Variants in DIS3L2 observed in about 807,000 individuals in gnomAD.
DIS3L2 encodes the protein DIS3-like exonuclease 2.
In DIS3L2, 34 loss-of-function variants were observed where a neutral mutation model predicts 97.5. The ratio of observed to expected loss-of-function variants is 0.35; its 90% CI spans 0.27 to 0.46. The LOEUF (loss-of-function observed/expected upper bound fraction) is 0.46. Ranked by LOEUF, DIS3L2 falls within the 20% of genes least tolerant of loss-of-function variation. The pLI, the probability that DIS3L2 is intolerant of heterozygous loss-of-function variation, is 1.00. For missense variants in DIS3L2, 1,038 were observed against 1,146.0 expected (o/e 0.91, Z 1.36); for synonymous variants, 435 against 445.2 (o/e 0.98, Z 0.29).
intron 1 of DIS3L2, among the ~76,000 whole-genome samples, chr2:231,999,053 A>G (rs551140454): frequency 1.3e-5 from 2 of 152,306 alleles, no homozygotes; most frequent in African/African-American, 4.8e-5. Context: ...CAGATAGTAA[A>G]TATTTTCGAT....
At chr2:231,981,086 G>C (rs1693241854) in intron 1 of DIS3L2, among the ~76,000 whole-genome samples, 1 of 152,058 alleles carries the variant, frequency 6.6e-6, no homozygotes, top group Admixed American at 6.5e-5. Context: ...TGGGATTACA[G>C]GCATGCACCA....
chr2:232,329,785 T>TCCCGGGGGGGGGCCCCCCC, intron 14 of DIS3L2, 28 bp from the exon 15 acceptor site: 11 of 967,128 alleles, frequency 1.1e-5, no homozygotes, highest in East Asian at 3.1e-5. Flanking sequence ...ACCCCAGCGG[T>TCCCGGGGGGGGGCCCCCCC]CCCTCCCATC....
At chr2:232,265,877 A>G (rs541670845) in intron 13 of DIS3L2, among the ~76,000 whole-genome samples, 3 of 152,356 alleles carry the variant, frequency 2.0e-5, no homozygotes, top group South Asian at 4.1e-4. Flanking sequence ...AAGACTATGT[A>G]GAATTCCGGT....
rs73095619 is a variant in DIS3L2 at position 232,111,945 on chromosome 2, A to G, written c.602-18674A>G. ...TAAGGCCATTAGTGAACCTTGGATC[A>G]ACTGACTCTGAAGCCTTGCCTACCT... On this transcript the variant is annotated intron_variant, in intron 6 of 20. Transcript: ENST00000325385. Among the ~76,000 whole-genome samples, 375 of 152,354 alleles carry G rather than the reference A, an allele frequency of 2.5e-3. 5 individuals are homozygous for G. Among genetic ancestry groups the G allele is most frequent in the African/African-American group, 8.7e-3 (362 of 41,596 alleles).
At position 232,335,758 on chromosome 2, in the gene DIS3L2, G is replaced by C. The variant is rs1695922869; in HGVS notation, c.2395-15G>C. The C allele has an allele frequency of 6.5e-7, 1 of 1,550,008 alleles. No individual in the cohort carries two copies. Among genetic ancestry groups the C allele is most frequent in the African/African-American group, 1.4e-5 (1 of 73,150 alleles). The stretch of plus-strand genomic sequence containing the variant: ...ATCCAGAGCTGAGGCCTGAGGCTTG[G>C]TGTTTGCACTCCAGGCACTGGCCCT... On this transcript the variant is annotated splice_polypyrimidine_tract_variant and intron_variant, in intron 19 of 20. Coordinates refer to ENST00000325385, the MANE Select transcript of DIS3L2 (RefSeq NM_152383.5).
chr2:232,099,143 A>C (rs1360997522), intron 6 of DIS3L2, among the ~76,000 whole-genome samples: 1 of 151,904 alleles, frequency 6.6e-6, no homozygotes, highest in African/African-American at 2.4e-5. Flanking sequence ...TATAAATTCT[A>C]CTTAATCCTG....
intron 12 of DIS3L2, among the ~76,000 whole-genome samples, chr2:232,261,216 C>A (rs961948001): frequency 2.0e-5 from 3 of 152,148 alleles, no homozygotes; most frequent in African/African-American, 7.2e-5. Flanking sequence ...TTCCTTCCTT[C>A]CTTCCTCCCC....
chr2:232,184,995 G>A (rs534858043), intron 9 of DIS3L2, among the ~76,000 whole-genome samples: 1 of 152,200 alleles, frequency 6.6e-6, no homozygotes, highest in South Asian at 2.1e-4. Flanking sequence ...GCCCTTCTCT[G>A]TTCTCCCGAG....
At chr2:232,060,645 T>G (rs533711423) in intron 5 of DIS3L2, among the ~76,000 whole-genome samples, 2 of 152,306 alleles carry the variant, frequency 1.3e-5, no homozygotes, top group East Asian at 3.9e-4. Flanking sequence ...ATTCTGGTCT[T>G]TTATGGCTTC....
At chr2:232,262,199 C>T (rs1168209655) in intron 12 of DIS3L2, among the ~76,000 whole-genome samples, 3 of 151,736 alleles carry the variant, frequency 2.0e-5, no homozygotes, top group Non-Finnish European at 2.9e-5. Flanking sequence ...CTCCCCCAAC[C>T]GCCCTTTCTT....
intron 14 of DIS3L2, among the ~76,000 whole-genome samples, chr2:232,319,864 T>A (rs1470569104): frequency 6.6e-6 from 1 of 152,188 alleles, no homozygotes; most frequent in Non-Finnish European, 1.5e-5. Flanking sequence ...GGCCTCACCA[T>A]CTGACTTACG....
At chr2:232,332,761 T>A (rs1455076296) in intron 16 of DIS3L2, among the ~76,000 whole-genome samples, 1 of 152,142 alleles carries the variant, frequency 6.6e-6, no homozygotes, top group Non-Finnish European at 1.5e-5. Context: ...GGAAACTGCC[T>A]CCCTTGACTG....
Position 232,336,881 on chromosome 2 carries a change from C to A in DIS3L2, c.*251C>A, listed in dbSNP as rs886055776. ...GCCCCAGTCCTCCTGGGAGGCTGGCCCCCCTTTTTTCTGGGCCCTACTGCC... is the reference window on the plus strand; with the variant it reads ...GCCCCAGTCCTCCTGGGAGGCTGGCACCCCTTTTTTCTGGGCCCTACTGCC... On this transcript the variant is annotated 3_prime_UTR_variant, in exon 21 of 21. Coordinates refer to ENST00000325385, the MANE Select transcript of DIS3L2 (RefSeq NM_152383.5). 173 of 1,325,638 alleles carry A rather than the reference C, an allele frequency of 1.3e-4. 1 individual carries two copies. The South Asian group carries it at 2.6e-3, about 20-fold the overall frequency. 82.1% of individuals were successfully genotyped at this position (1,325,638 alleles called of 1,614,324 possible).
intron 8 of DIS3L2, among the ~76,000 whole-genome samples, chr2:232,147,966 C>CCTCCCCTCCCCTCCCCTCCG (rs1690265970): frequency 8.7e-6 from 1 of 115,096 alleles, no homozygotes; most frequent in African/African-American, 3.3e-5. Flanking sequence ...CCTTTCCTCC[C>CCTCCCCTCCCCTCCCCTCCG]CTCCCCTCCC....
chr2:232,046,315 CA>C (rs1695243395), intron 5 of DIS3L2, among the ~76,000 whole-genome samples: 1 of 152,090 alleles, frequency 6.6e-6, no homozygotes, highest in African/African-American at 2.4e-5. Flanking sequence ...TATTGCCACT[CA>C]AAGTGTGGTC....
At chr2:232,279,120 A>T (rs1694218506) in intron 13 of DIS3L2, among the ~76,000 whole-genome samples, 1 of 152,154 alleles carries the variant, frequency 6.6e-6, no homozygotes, top group Admixed American at 6.5e-5. Flanking sequence ...TGTATTTAAT[A>T]GAGATGGGGT....
chr2:232,181,777 C>T (rs1172934727), intron 9 of DIS3L2, among the ~76,000 whole-genome samples: 1 of 151,994 alleles, frequency 6.6e-6, no homozygotes, highest in Admixed American at 6.6e-5. Flanking sequence ...AGCTGGGATA[C>T]AGGCGTGCAT....
intron 7 of DIS3L2, among the ~76,000 whole-genome samples, chr2:232,135,761 G>T (rs1441421063): frequency 6.6e-6 from 1 of 152,082 alleles, no homozygotes; most frequent in African/African-American, 2.4e-5. Context: ...ACTGCAGGCT[G>T]AATCTTTGTT....
intron 5 of DIS3L2, among the ~76,000 whole-genome samples, chr2:232,051,309 T>C (rs1295840249): frequency 6.6e-6 from 1 of 152,214 alleles, no homozygotes; most frequent in Non-Finnish European, 1.5e-5. Context: ...GTGAGTTTTA[T>C]TCTTTCATTT....
Sources: allele counts gnomAD v4.1 joint callset (sites outside exome capture counted in the v4.1 genomes callset), GRCh38; gene constraint gnomAD v4.1.1; transcripts MANE v1.5; gene names NCBI Gene and HGNC (gene_info 2026-07-23, HGNC 2026-07-21).